Variants in IMPDH1 observed in about 807,000 individuals in gnomAD.
The protein encoded by IMPDH1 is inosine-5'-monophosphate dehydrogenase 1.
IMPDH1 carries 41 observed loss-of-function variants against 73.5 expected under a neutral mutation model. That is an observed-to-expected ratio of 0.56 (90% confidence interval 0.43 to 0.72). The LOEUF (loss-of-function observed/expected upper bound fraction) is 0.72. Among genes scored for constraint, IMPDH1 ranks in the 30% least tolerant of loss-of-function variants. IMPDH1 has a pLI of 0.00. For missense variants in IMPDH1, 645 were observed against 824.8 expected (o/e 0.78, Z 2.67); for synonymous variants, 318 against 334.3 (o/e 0.95, Z 0.53).
intron 4 of IMPDH1, among the ~76,000 whole-genome samples, chr7:128,404,594 T>A (rs1035830010): frequency 4.6e-5 from 7 of 151,822 alleles, no homozygotes; most frequent in Non-Finnish European, 1.0e-4. Flanking sequence ...GCAGCAGGCA[T>A]CCCTAGCGCA....
chr7:128,402,877 G>A (rs776736580), intron 5 of IMPDH1, among the ~76,000 whole-genome samples: 16 of 152,074 alleles, frequency 1.1e-4, no homozygotes, highest in Middle Eastern at 3.2e-3. Flanking sequence ...AAGGCACTGC[G>A]TTTCCTTGTA....
Position 128,401,001 on chromosome 7 carries a change from G to T in IMPDH1, c.504+14C>A. ...CTGTGTGCCCTGGAGTCCCCATGCA[G>T]GTGTGTAACTCACAGCCATGGCAAT... is the stretch of plus-strand genomic sequence containing the variant. On this transcript the variant is annotated intron_variant, in intron 6 of 16. Coordinates refer to ENST00000338791, the MANE Select transcript of IMPDH1 (RefSeq NM_000883.4). 6.2e-7 allele frequency: 1 copy of T among 1,609,032 alleles called. No homozygotes were observed. The highest frequency in any genetic ancestry group is 8.5e-7 in the Non-Finnish European group (1 of 1,175,354).
At chr7:128,407,745 A>G (rs1798873704) in intron 3 of IMPDH1, among the ~76,000 whole-genome samples, 1 of 152,156 alleles carries the variant, frequency 6.6e-6, no homozygotes, top group African/African-American at 2.4e-5. Flanking sequence ...GAATGGCTAG[A>G]GTACTATTCA....
chr7:128,392,751 A>C lies in IMPDH1; in HGVS notation c.*256T>G, dbSNP rs752294619. The C allele has an allele frequency of 3.2e-5, 17 of 526,158 alleles. No individual in the cohort carries two copies. In the South Asian group the frequency reaches 3.6e-4, roughly 11 times the overall value. The allele number at this position is 526,158 out of a possible 1,614,324, so 32.6% of individuals were successfully genotyped here. ...AGCAAGAAAGACCTGAGGCAGGCGC[A>C]GGGCCTGAGAGCCTGGCTGGCTGGG... On this transcript the variant is annotated 3_prime_UTR_variant, in exon 17 of 17. Coordinates refer to ENST00000338791, the MANE Select transcript of IMPDH1 (RefSeq NM_000883.4).
intron 3 of IMPDH1, among the ~76,000 whole-genome samples, chr7:128,408,135 G>A (rs1798897999): frequency 6.6e-6 from 1 of 152,180 alleles, no homozygotes; most frequent in African/African-American, 2.4e-5. Flanking sequence ...AGGAAGGGCT[G>A]TTGTTCCCTG....
At position 128,408,421 on chromosome 7, in the gene IMPDH1, A is replaced by C. The variant is rs745641742; in HGVS notation, c.254+868T>G. On this transcript the variant is annotated intron_variant, in intron 3 of 16. Transcript: ENST00000338791. ...CAGAGAGCAATAACACTGGATTCAA[A>C]CCCAGGACTGCTCACAGAATCCTGT... 6.6e-4 allele frequency among the ~76,000 whole-genome samples: 101 copies of C among 152,126 alleles called. 3 individuals are homozygous for C. The highest frequency in any genetic ancestry group is 1.2e-4 in the Non-Finnish European group (8 of 68,016).
intron 4 of IMPDH1, 123 bp downstream of exon 4, chr7:128,405,644 A>C: frequency 7.4e-7 from 1 of 1,343,010 alleles, no homozygotes; most frequent in Non-Finnish European, 9.7e-7. Flanking sequence ...CCCAGCCCCC[A>C]GCGCCCACAG....
intron 4 of IMPDH1, among the ~76,000 whole-genome samples, chr7:128,405,313 G>A (rs1265569650): frequency 6.6e-6 from 1 of 152,220 alleles, no homozygotes; most frequent in Non-Finnish European, 1.5e-5. Flanking sequence ...GGACTAGACA[G>A]TTGGAAAAGA....
At chr7:128,393,338 C>T (rs1797666827) in intron 16 of IMPDH1, among the ~76,000 whole-genome samples, 1 of 152,236 alleles carries the variant, frequency 6.6e-6, no homozygotes, top group South Asian at 2.1e-4. Context: ...GGCCCATCCT[C>T]ATGGAGCAAA....
In IMPDH1 at chr7:128,398,475, C is replaced by T. The variant is rs761020434; in HGVS notation, c.1013G>A (p.Arg338His). The T allele has an allele frequency of 3.7e-6, 6 of 1,613,578 alleles. No homozygotes were observed. Among genetic ancestry groups the T allele is most frequent in the South Asian group, 3.3e-5 (3 of 91,062 alleles). ...QLLCGAAVGT[R>H]EDDKYRLDLL... ...GTCCAGACGGTATTTGTCATCCTCA[C>T]GGGTGCCCACAGCTGCCCCACAGAG... The change falls in exon 10 of 17, where the codon CGT becomes CAT. Residue 338 changes from arginine to histidine, a missense_variant. Physicochemically the swap from Arg to His is conservative, Grantham distance 29. Coordinates refer to ENST00000338791, the MANE Select transcript of IMPDH1 (RefSeq NM_000883.4). The surrounding 1 kb of genome is among the most constrained non-coding windows in gnomAD (Gnocchi z 4.3).
intron 4 of IMPDH1, among the ~76,000 whole-genome samples, chr7:128,404,651 C>T (rs998716554): frequency 7.2e-5 from 11 of 152,102 alleles, no homozygotes; most frequent in Non-Finnish European, 1.5e-5. Context: ...TTAATCTGCC[C>T]TAAGGCCTAG....
In IMPDH1 at chr7:128,392,968, G is replaced by T; in HGVS notation, c.*39C>A. The T allele has an allele frequency of 6.2e-7, 1 of 1,610,218 alleles. No homozygotes were observed. Among genetic ancestry groups the T allele is most frequent in the South Asian group, 1.1e-5 (1 of 91,008 alleles). On this transcript the variant is annotated 3_prime_UTR_variant, in exon 17 of 17. Coordinates refer to ENST00000338791, the MANE Select transcript of IMPDH1 (RefSeq NM_000883.4). ...GGCTGTGCCCAAAAGTGGACACTGG[G>T]GTGCATCCCCTCCACCACCTCGGCC...
Position 128,396,640 on chromosome 7 carries a change from G to A in IMPDH1, c.1221C>T (p.Arg407=), listed in dbSNP as rs368717835. ...AGATGGAGCCGCAGCCCATGCCCAC[G>A]CGCAGCCCGTCCACACCAGCATCAA... ...NLIDAGVDGL[R]VGMGCGSICI... Residue 407 remains arginine, a synonymous_variant, in exon 12 of 17, where the codon CGC becomes CGT. Coordinates refer to ENST00000338791, the MANE Select transcript of IMPDH1 (RefSeq NM_000883.4). This position sits in a 1 kb window ranked among gnomAD's most constrained non-coding sequence, Gnocchi z 4.0. 8.4e-6 allele frequency: 13 copies of A among 1,555,552 alleles called. No homozygotes were observed. The highest frequency in any genetic ancestry group is 1.9e-5 in the Admixed American group (1 of 51,774).
Position 128,401,132 on chromosome 7 carries a change from CA to C in IMPDH1, c.403-17del. On this transcript the variant is annotated splice_polypyrimidine_tract_variant and intron_variant, in intron 5 of 16. Coordinates refer to ENST00000338791, the MANE Select transcript of IMPDH1 (RefSeq NM_000883.4). ...AGGTCAGGTCCTGAGGATGGAGGCA[CA>C]GCCCACGTAAAGAGTTTATCACCCA... The C allele has an allele frequency of 6.3e-7, 1 of 1,596,278 alleles. No individual in the cohort carries two copies. Among genetic ancestry groups the C allele is most frequent in the Non-Finnish European group, 8.6e-7 (1 of 1,165,548 alleles).
chr7:128,409,510 G>A (rs72624939), intron 1 of IMPDH1, 26 bp from the exon 2 acceptor site: 4 of 1,613,474 alleles, frequency 2.5e-6, no homozygotes, highest in East Asian at 2.2e-5. Context: ...AGGTTTTTAC[G>A]ACCTGTTCCC....
intron 10 of IMPDH1, among the ~76,000 whole-genome samples, chr7:128,397,689 G>T (rs1798023272): frequency 6.6e-6 from 1 of 152,066 alleles, no homozygotes; most frequent in Non-Finnish European, 1.5e-5. Context: ...CTTTATCGGG[G>T]GGTGGGGGAG....
At chr7:128,404,461 A>G (rs1798565184) in intron 4 of IMPDH1, among the ~76,000 whole-genome samples, 1 of 152,210 alleles carries the variant, frequency 6.6e-6, no homozygotes. Context: ...CTGCATGGGT[A>G]CATCTAGGTG....
At chr7:128,401,507 A>G (rs1798334303) in intron 5 of IMPDH1, among the ~76,000 whole-genome samples, 1 of 152,150 alleles carries the variant, frequency 6.6e-6, no homozygotes, top group African/African-American at 2.4e-5. Context: ...TTTCGGAGGC[A>G]CACTTAAGAA....
Position 128,396,701 on chromosome 7 carries a change from G to C in IMPDH1, c.1166-6C>G. 1 of 1,550,138 alleles carries C rather than the reference G, an allele frequency of 6.5e-7. No homozygotes were observed. Among genetic ancestry groups the C allele is most frequent in the Non-Finnish European group, 8.7e-7 (1 of 1,145,502 alleles). ...GGCCTGGGCTGCTGTCACCACTGGG[G>C]GTGGGGATGGGGCAGAGGAACAATG... On this transcript the variant is annotated splice_polypyrimidine_tract_variant and splice_region_variant and intron_variant, in intron 11 of 16. Transcript: ENST00000338791. This position sits in a 1 kb window ranked among gnomAD's most constrained non-coding sequence, Gnocchi z 4.0.
Sources: gnomAD v4.1 joint callset for allele counts (sites outside exome capture counted in the v4.1 genomes callset) on GRCh38, gnomAD v4.1.1 for gene constraint, Gnocchi (gnomAD v3.1) non-coding constraint, MANE v1.5 for transcripts, NCBI Gene and HGNC (gene_info 2026-07-23, HGNC 2026-07-21) for gene names.